The following CANX variants were observed in gnomAD, a reference collection of about 807,000 sequenced individuals.
The protein encoded by CANX is epididymis secretory sperm binding protein.
CANX carries 14 observed loss-of-function variants against 75.7 expected under a neutral mutation model. The ratio of observed to expected loss-of-function variants is 0.19; its 90% CI spans 0.12 to 0.29. CANX has a LOEUF of 0.29. Ranked by LOEUF, CANX falls within the 10% of genes least tolerant of loss-of-function variation. CANX has a pLI of 1.00. For missense variants in CANX, 567 were observed against 713.2 expected (o/e 0.79, Z 2.34); for synonymous variants, 227 against 236.9 (o/e 0.96, Z 0.38).
chr5:179,679,666 C>CTT (rs1251673290), intron 1 of CANX, among the ~76,000 whole-genome samples: 1 of 151,022 alleles, frequency 6.6e-6, no homozygotes, highest in African/African-American at 2.4e-5. Flanking sequence ...CTTTCTTTTT[C>CTT]TTTTTTTTTG....
chr5:179,726,975 T>C (rs1214002909), intron 14 of CANX, among the ~76,000 whole-genome samples: 1 of 152,232 alleles, frequency 6.6e-6, no homozygotes, highest in Non-Finnish European at 1.5e-5. Flanking sequence ...TAGCTGAAAA[T>C]CATTTTCTGA....
chr5:179,698,921 G>A (rs1776521933), upstream of CANX: 1 of 1,153,556 alleles, frequency 8.7e-7, no homozygotes, highest in South Asian at 1.7e-5. Flanking sequence ...GGGGCCAGGG[G>A]CGGGCACAGG....
chr5:179,723,610 G>A, intron 11 of CANX, 50 bp from the exon 12 acceptor site: 20 of 1,603,116 alleles, frequency 1.2e-5, no homozygotes, highest in Non-Finnish European at 1.7e-5. Context: ...CACGGCCTAT[G>A]TTTGGTGTCA....
intron 13 of CANX, among the ~76,000 whole-genome samples, chr5:179,724,997 C>T (rs1778554772): frequency 6.6e-6 from 1 of 152,020 alleles, no homozygotes; most frequent in South Asian, 2.1e-4. Flanking sequence ...AGCTGAGCAA[C>T]AGAGTGAGAC....
At chr5:179,712,932 C>A (rs1777680134) in intron 7 of CANX, among the ~76,000 whole-genome samples, 1 of 143,164 alleles carries the variant, frequency 7.0e-6, no homozygotes, top group African/African-American at 2.6e-5. Context: ...TTTTTTCCAG[C>A]TAATTTTTCT....
Position 179,709,890 on chromosome 5 carries a change from G to A in CANX, c.546G>A (p.Lys182=), listed in dbSNP as rs747501873. The A allele has an allele frequency of 6.3e-7, 1 of 1,594,502 alleles. No individual in the cohort carries two copies. The highest frequency in any genetic ancestry group is 1.8e-5 in the Admixed American group (1 of 54,466). ...PELNLDQFHD[K]TPYTIMFGPD... is the part of the protein sequence containing the mutation. ...TTTTGAAGGATCAGTTCCATGACAA[G>A]ACCCCTTATACGATTATGTTTGGTC... Residue 182 remains lysine, a synonymous_variant, in exon 7 of 15, where the codon AAG becomes AAA. Transcript: ENST00000247461.
chr5:179,716,952 A>T (rs897957151), intron 8 of CANX, among the ~76,000 whole-genome samples: 22 of 152,214 alleles, frequency 1.4e-4, no homozygotes, highest in South Asian at 2.1e-4. Flanking sequence ...TGTCGTATGC[A>T]GAAGTAGAGG....
At position 179,708,427 on chromosome 5, in the gene CANX, T is replaced by G. The variant is rs771476500; in HGVS notation, c.446+47T>G. 7.2e-6 allele frequency: 11 copies of G among 1,537,066 alleles called. No homozygotes were observed. The Admixed American group carries it at 9.1e-5, about 13-fold the overall frequency. ...TAAAAGCTTTCTGCAAAGGGTAATC[T>G]TAGAAGACATTATGTAACTTTTACT... On this transcript the variant is annotated intron_variant, in intron 5 of 14. Coordinates refer to ENST00000247461, the MANE Select transcript of CANX (RefSeq NM_001746.4).
At chr5:179,710,509 C>T (rs1437085318) in intron 7 of CANX, among the ~76,000 whole-genome samples, 1 of 147,992 alleles carries the variant, frequency 6.8e-6, no homozygotes, top group Non-Finnish European at 1.5e-5. Context: ...AGATCGAGAC[C>T]ATCCTGGCTA....
At chr5:179,710,816 G>A (rs567754208) in intron 7 of CANX, among the ~76,000 whole-genome samples, 73 of 151,556 alleles carry the variant, frequency 4.8e-4, no homozygotes, top group Non-Finnish European at 7.7e-4. Flanking sequence ...ACTTTGGGAG[G>A]CTGAGGCGGG....
intron 11 of CANX, 146 bp downstream of exon 11, chr5:179,723,165 T>G (rs564623175): frequency 1.5e-6 from 1 of 675,464 alleles, no homozygotes; most frequent in South Asian, 1.9e-5. Flanking sequence ...CAATATTGGG[T>G]TTTGGGGCAT....
At position 179,699,095 on chromosome 5, in the gene CANX, G is replaced by A. The variant is rs541377664; in HGVS notation, c.-11G>A. The A allele has an allele frequency of 2.0e-5, 21 of 1,073,310 alleles. No individual in the cohort carries two copies. The East Asian group carries it at 1.8e-3, about 93-fold the overall frequency. The allele number at this position is 1,073,310 out of a possible 1,614,324, so 66.5% of individuals were successfully genotyped here. On this transcript the variant is annotated 5_prime_UTR_variant, in exon 1 of 15. Transcript: ENST00000247461. Reference sequence around the variant, plus strand: ...ACGGGCACCCCCGCGGTCCCCGGGAGGCTAGAGGTGAGAGGGGAGACCTGA... The same window carrying A: ...ACGGGCACCCCCGCGGTCCCCGGGAAGCTAGAGGTGAGAGGGGAGACCTGA...
At chr5:179,699,590 A>C (rs1221943913) in intron 1 of CANX, 1 of 152,240 alleles carries the variant, frequency 6.6e-6, no homozygotes, top group Non-Finnish European at 1.5e-5. Context: ...ACTGGACCCT[A>C]GTTCCCTGAA....
In CANX at chr5:179,680,068, G is replaced by A. The variant is rs548903978; in HGVS notation, c.-4+1291G>A. 1.1e-3 allele frequency among the ~76,000 whole-genome samples: 159 copies of A among 145,874 alleles called. 1 individual carries two copies. The highest frequency in any genetic ancestry group is 3.7e-3 in the African/African-American group (148 of 39,946). On this transcript the variant is annotated intron_variant, in intron 1 of 14. Transcript: ENST00000681674. ...CCTCAGGTGATCTGCCCGCCTCAGC[G>A]CCAAAGTGCTGGGATTACAGGTGTG...
intron 7 of CANX, among the ~76,000 whole-genome samples, chr5:179,713,191 C>T (rs937752899): frequency 3.9e-5 from 6 of 152,058 alleles, no homozygotes; most frequent in Admixed American, 2.6e-4. Context: ...CAGTGATTCT[C>T]CCGTCTCAGC....
At chr5:179,712,114 G>A (rs201049368) in intron 7 of CANX, among the ~76,000 whole-genome samples, 1 of 124,694 alleles carries the variant, frequency 8.0e-6, no homozygotes, top group African/African-American at 2.9e-5. Flanking sequence ...CAAAAAAAAA[G>A]GTGTTTTTTT....
exon 1 of CANX, chr5:179,678,735 T>C (rs748417764): frequency 3.9e-6 from 6 of 1,536,890 alleles, no homozygotes; most frequent in African/African-American, 1.4e-5. Flanking sequence ...CGCGCCATGG[T>C]CTCAGTCAGC....
At chr5:179,682,094 T>C (rs1018027284) in intron 1 of CANX, among the ~76,000 whole-genome samples, 1 of 149,846 alleles carries the variant, frequency 6.7e-6, no homozygotes, top group Admixed American at 6.7e-5. Context: ...CTACTAAAAA[T>C]AGAAAAAATT....
At chr5:179,715,987 C>T (rs764825987) in intron 7 of CANX, 118 bp from the exon 8 acceptor site, 6 of 779,416 alleles carry the variant, frequency 7.7e-6, no homozygotes, top group Middle Eastern at 2.2e-4. Context: ...ATTGTTCTTA[C>T]CCCAAAGCCT....
Sources: gnomAD v4.1 joint callset for allele counts (sites outside exome capture counted in the v4.1 genomes callset) on GRCh38, gnomAD v4.1.1 for gene constraint, MANE v1.5 for transcripts, NCBI Gene and HGNC (gene_info 2026-07-23, HGNC 2026-07-21) for gene names.